GLRB: variants seen among roughly 807,000 people sequenced by gnomAD.
GLRB encodes the protein glycine receptor beta.
In GLRB, 33 loss-of-function variants were observed where a neutral mutation model predicts 54.2. That is an observed-to-expected ratio of 0.61 (90% CI 0.46 to 0.81). The LOEUF (loss-of-function observed/expected upper bound fraction) is 0.81. GLRB is among the 40% of genes least tolerant of loss of function. The pLI, the probability that GLRB is intolerant of heterozygous loss-of-function variation, is 0.00. For missense variants in GLRB, 572 were observed against 584.6 expected (o/e 0.98, Z 0.22); for synonymous variants, 209 against 208.2 (o/e 1.00, Z -0.03).
chr4:157,108,936 A>C (rs1735320312), intron 2 of GLRB, among the ~76,000 whole-genome samples: 1 of 152,120 alleles, frequency 6.6e-6, no homozygotes, highest in Admixed American at 6.6e-5. Context: ...AGTCATCAAC[A>C]TCAAGGCAAG....
At position 157,165,997 on chromosome 4, in the gene GLRB, G is replaced by A. The variant is rs143560979; in HGVS notation, c.1198-4435G>A. The stretch of plus-strand genomic sequence containing the variant: ...AGGATGCCATTATTGACATGAAATC[G>A]TGCCTAATTATTCTGGTCAAGAAAT... On this transcript the variant is annotated intron_variant, in intron 9 of 9. Coordinates refer to ENST00000264428, the MANE Select transcript of GLRB (RefSeq NM_000824.5). 1.4e-3 allele frequency among the ~76,000 whole-genome samples: 209 copies of A among 151,986 alleles called. 1 individual carries two copies. Among genetic ancestry groups the A allele is most frequent in the African/African-American group, 4.8e-3 (198 of 41,512 alleles).
chr4:157,090,678 A>G (rs933370817), intron 2 of GLRB, among the ~76,000 whole-genome samples: 3 of 152,132 alleles, frequency 2.0e-5, no homozygotes, highest in African/African-American at 7.2e-5. Context: ...TTGCACTTTG[A>G]GTGGTTCTTT....
intron 2 of GLRB, among the ~76,000 whole-genome samples, chr4:157,088,821 A>G (rs1234265304): frequency 2.0e-5 from 3 of 152,090 alleles, no homozygotes; most frequent in Non-Finnish European, 1.5e-5. Context: ...AGTGCTTACA[A>G]ACATATTAAA....
At chr4:157,149,767 T>C (rs1736949781) in intron 8 of GLRB, among the ~76,000 whole-genome samples, 1 of 152,110 alleles carries the variant, frequency 6.6e-6, no homozygotes, top group South Asian at 2.1e-4. Flanking sequence ...CTTGACCTGC[T>C]CTGTTGATTC....
At chr4:157,148,610 C>T (rs1415236704) in intron 8 of GLRB, among the ~76,000 whole-genome samples, 2 of 152,080 alleles carry the variant, frequency 1.3e-5, no homozygotes, top group East Asian at 1.9e-4. Flanking sequence ...TTGATTTCTT[C>T]TTTGGCCCAT....
At chr4:157,101,632 G>T (rs1035561590) in intron 2 of GLRB, among the ~76,000 whole-genome samples, 4 of 151,920 alleles carry the variant, frequency 2.6e-5, no homozygotes, top group Non-Finnish European at 4.4e-5. Flanking sequence ...TGAAATTGGG[G>T]TTAACTTTTT....
At chr4:157,146,680 C>T (rs1003908755) in intron 8 of GLRB, among the ~76,000 whole-genome samples, 9 of 151,908 alleles carry the variant, frequency 5.9e-5, no homozygotes, top group African/African-American at 1.9e-4. Flanking sequence ...ATTAGCCAGG[C>T]ATGGTGGTGG....
At chr4:157,091,940 C>T (rs1376710329) in intron 2 of GLRB, among the ~76,000 whole-genome samples, 1 of 152,102 alleles carries the variant, frequency 6.6e-6, no homozygotes, top group East Asian at 1.9e-4. Flanking sequence ...CTATGAACTC[C>T]CTGCCATTAA....
chr4:157,118,857 A>G (rs1350664210), intron 2 of GLRB, among the ~76,000 whole-genome samples: 4 of 151,568 alleles, frequency 2.6e-5, no homozygotes, highest in South Asian at 2.1e-4. Flanking sequence ...ACTTTTTACC[A>G]TATCAACACA....
At chr4:157,102,938 G>A (rs151020918) in intron 2 of GLRB, among the ~76,000 whole-genome samples, 141 of 152,204 alleles carry the variant, frequency 9.3e-4, no homozygotes, top group African/African-American at 2.9e-3. Flanking sequence ...AGGCCAAGGC[G>A]GGTGGATCAC....
In GLRB at chr4:157,143,844, G is replaced by A. The variant is rs1332235945; in HGVS notation, c.789G>A (p.Arg263=). ...YTCVEVIFTL[R]RQVGFYMMGV... ...GCGTGGAAGTCATCTTCACCCTGAG[G>A]AGGCAGGTCGGCTTTTACATGATGG... The change falls in exon 8 of 10, where the codon AGG becomes AGA. Residue 263 remains arginine (R), a synonymous_variant. Transcript: ENST00000264428. 4 of 1,613,684 alleles carry A rather than the reference G, an allele frequency of 2.5e-6. No homozygotes were observed. The highest frequency in any genetic ancestry group is 2.2e-5 in the East Asian group (1 of 44,856).
chr4:157,146,445 A>G (rs777402727), intron 8 of GLRB, among the ~76,000 whole-genome samples: 9 of 152,212 alleles, frequency 5.9e-5, no homozygotes, highest in Non-Finnish European at 1.2e-4. Context: ...GAGCAGAAGC[A>G]AGGAAAGCAG....
intron 2 of GLRB, among the ~76,000 whole-genome samples, chr4:157,104,396 G>A (rs72685569): frequency 0.14 from 21,639 of 151,922 alleles, 1,707 homozygotes; most frequent in East Asian, 0.28. Flanking sequence ...CTTGTATCCT[G>A]GTTATATATC....
At chr4:157,163,505 A>G (rs1737593156) in intron 9 of GLRB, among the ~76,000 whole-genome samples, 1 of 152,132 alleles carries the variant, frequency 6.6e-6, no homozygotes. Context: ...CACCTCTTGG[A>G]CATTGCTGGC....
intron 3 of GLRB, among the ~76,000 whole-genome samples, chr4:157,121,529 T>C (rs1168635645): frequency 6.6e-6 from 1 of 151,040 alleles, no homozygotes; most frequent in South Asian, 2.1e-4. Flanking sequence ...GTTATACAAC[T>C]ATGTTGTAAA....
At chr4:157,098,555 T>A (rs540287226) in intron 2 of GLRB, among the ~76,000 whole-genome samples, 2 of 152,232 alleles carry the variant, frequency 1.3e-5, no homozygotes, top group Non-Finnish European at 2.9e-5. Context: ...TAAGGAGAGT[T>A]AGCCCTTTGC....
intron 8 of GLRB, among the ~76,000 whole-genome samples, chr4:157,146,361 T>C (rs1476242798): frequency 6.6e-6 from 1 of 152,144 alleles, no homozygotes; most frequent in Non-Finnish European, 1.5e-5. Context: ...CTAAAGGCTT[T>C]TACACATGAT....
intron 1 of GLRB, among the ~76,000 whole-genome samples, chr4:157,077,457 A>T (rs927019218): frequency 2.0e-5 from 3 of 152,092 alleles, no homozygotes; most frequent in Admixed American, 6.5e-5. Flanking sequence ...GAACTCTTTG[A>T]TATTAACTTT....
intron 9 of GLRB, among the ~76,000 whole-genome samples, chr4:157,161,365 C>G (rs535928103): frequency 3.4e-4 from 52 of 152,244 alleles, no homozygotes; most frequent in Admixed American, 1.0e-3. Flanking sequence ...GAATTTGATC[C>G]TGTCATTATG....
Sources: allele counts gnomAD v4.1 joint callset (sites outside exome capture counted in the v4.1 genomes callset), GRCh38; gene constraint gnomAD v4.1.1; transcripts MANE v1.5; gene names NCBI Gene and HGNC (gene_info 2026-07-23, HGNC 2026-07-21).